Variants in DENND5A observed in about 807,000 individuals in gnomAD.
The protein encoded by DENND5A is DENN domain containing 5A, also known as DENN domain-containing protein 5A.
In DENND5A, 64 loss-of-function variants were observed where a neutral mutation model predicts 140.3. The observed-to-expected ratio is 0.46, with a 90% CI of 0.37 to 0.56. DENND5A has a LOEUF of 0.56. Among genes scored for constraint, DENND5A ranks in the 20% least tolerant of loss-of-function variants. The pLI is 0.00. For missense variants in DENND5A, 1,292 were observed against 1,593.8 expected (o/e 0.81, Z 3.22); for synonymous variants, 605 against 607.7 (o/e 1.00, Z 0.07).
chr11:9,194,162 A>G (rs981065728), intron 4 of DENND5A, among the ~76,000 whole-genome samples: 4 of 152,242 alleles, frequency 2.6e-5, no homozygotes, highest in African/African-American at 9.6e-5. Flanking sequence ...ACAAAGAACC[A>G]CCAAGCATGC....
intron 10 of DENND5A, among the ~76,000 whole-genome samples, chr11:9,167,015 A>T (rs751879907): frequency 2.6e-5 from 4 of 152,142 alleles, no homozygotes; most frequent in Non-Finnish European, 4.4e-5. Flanking sequence ...TTTCTATCAT[A>T]AAGTATAAAA....
At chr11:9,163,436 G>C (rs1260049804) in intron 11 of DENND5A, among the ~76,000 whole-genome samples, 1 of 152,106 alleles carries the variant, frequency 6.6e-6, no homozygotes, top group African/African-American at 2.4e-5. Context: ...AAATTGATAT[G>C]TATTTCACAG....
intron 8 of DENND5A, among the ~76,000 whole-genome samples, chr11:9,176,498 C>CA (rs1478576637): frequency 1.3e-5 from 2 of 152,128 alleles, no homozygotes; most frequent in Non-Finnish European, 2.9e-5. Flanking sequence ...AGGACATGTT[C>CA]AATCATTTGT....
chr11:9,248,764 G>A (rs1230992162), intron 1 of DENND5A, among the ~76,000 whole-genome samples: 1 of 151,778 alleles, frequency 6.6e-6, no homozygotes. Flanking sequence ...TTTTACTTTT[G>A]GTTTACACAT....
rs527841168 is a variant in DENND5A, at chr11:9,251,104, C to A, written c.109+13857G>T. ...GCGCTGAGATCAAGCCACTGCACTC[C>A]AGCCTGGGCAAGAGAGTGACACTCC... is the stretch of plus-strand genomic sequence containing the variant. On this transcript the variant is annotated intron_variant, in intron 1 of 22. Coordinates refer to ENST00000328194, the MANE Select transcript of DENND5A (RefSeq NM_015213.4). Among the ~76,000 whole-genome samples the A allele has an allele frequency of 6.2e-5, 9 of 145,804 alleles. No homozygotes were observed. In the South Asian group the frequency reaches 1.7e-3, roughly 28 times the overall value.
intron 5 of DENND5A, among the ~76,000 whole-genome samples, chr11:9,188,041 C>T (rs1372431433): frequency 1.3e-5 from 2 of 152,092 alleles, no homozygotes; most frequent in Non-Finnish European, 2.9e-5. Flanking sequence ...CCCAGCCCTG[C>T]CGGATATGGT....
chr11:9,171,861 A>AAAAC (rs986213350), intron 8 of DENND5A: 1 of 152,212 alleles, frequency 6.6e-6, no homozygotes, highest in Admixed American at 6.6e-5. Context: ...GAACCTCTTA[A>AAAAC]AAACAAACAA....
intron 1 of DENND5A, among the ~76,000 whole-genome samples, chr11:9,244,587 T>C (rs991636326): frequency 1.3e-5 from 2 of 152,220 alleles, no homozygotes; most frequent in African/African-American, 4.8e-5. Flanking sequence ...CAGGCTGGTC[T>C]TGAACTCCTG....
At chr11:9,199,553 A>AG (rs1177219187) in intron 4 of DENND5A, among the ~76,000 whole-genome samples, 1 of 152,246 alleles carries the variant, frequency 6.6e-6, no homozygotes, top group Non-Finnish European at 1.5e-5. Context: ...TATTAAAAAA[A>AG]CACTAATTCT....
intron 12 of DENND5A, among the ~76,000 whole-genome samples, chr11:9,157,712 T>A (rs929085531): frequency 6.6e-6 from 1 of 152,238 alleles, no homozygotes; most frequent in African/African-American, 2.4e-5. Context: ...ATGTATCACC[T>A]TTTCTTTATC....
At chr11:9,198,576 A>G (rs558489197) in intron 4 of DENND5A, among the ~76,000 whole-genome samples, 1 of 151,720 alleles carries the variant, frequency 6.6e-6, no homozygotes, top group East Asian at 1.9e-4. Flanking sequence ...GCGCCACTGC[A>G]CTCCAGCCTG....
chr11:9,214,057 G>A (rs1334048363), intron 1 of DENND5A, among the ~76,000 whole-genome samples: 1 of 152,068 alleles, frequency 6.6e-6, no homozygotes, highest in African/African-American at 2.4e-5. Flanking sequence ...GATACTACTG[G>A]TGACCAACCA....
intron 1 of DENND5A, among the ~76,000 whole-genome samples, chr11:9,238,159 A>G (rs1851081088): frequency 6.6e-6 from 1 of 152,116 alleles, no homozygotes; most frequent in Non-Finnish European, 1.5e-5. Context: ...TTAACTCTTA[A>G]CTAAGATCGA....
chr11:9,247,115 A>T (rs1488781390), intron 1 of DENND5A, among the ~76,000 whole-genome samples: 1 of 152,014 alleles, frequency 6.6e-6, no homozygotes, highest in Admixed American at 6.6e-5. Context: ...CTGTAGTCCC[A>T]GCTACTTGGG....
intron 11 of DENND5A, among the ~76,000 whole-genome samples, chr11:9,163,984 C>T (rs1436327047): frequency 1.3e-5 from 2 of 149,790 alleles, no homozygotes; most frequent in African/African-American, 4.9e-5. Flanking sequence ...CACACACACA[C>T]ACTGGCCACA....
intron 5 of DENND5A, among the ~76,000 whole-genome samples, chr11:9,185,250 T>C (rs191701094): frequency 6.6e-6 from 1 of 152,330 alleles, no homozygotes; most frequent in Admixed American, 6.5e-5. Flanking sequence ...GTGCTTTTTA[T>C]AACTTGTTTA....
chr11:9,170,595 G>T (rs755278226), intron 9 of DENND5A, 32 bp downstream of exon 9: 3 of 1,612,934 alleles, frequency 1.9e-6, no homozygotes, highest in Non-Finnish European at 2.5e-6. Context: ...CAGCTAGGGA[G>T]TTGGATTAGT....
intron 1 of DENND5A, among the ~76,000 whole-genome samples, chr11:9,238,232 G>A (rs1000747111): frequency 2.0e-5 from 3 of 151,886 alleles, no homozygotes; most frequent in Admixed American, 6.6e-5. Flanking sequence ...AACATCAAGT[G>A]AAAAAAGTCA....
chr11:9,258,427 T>C (rs1014038499), intron 1 of DENND5A, among the ~76,000 whole-genome samples: 1 of 152,206 alleles, frequency 6.6e-6, no homozygotes, highest in Non-Finnish European at 1.5e-5. Context: ...GTTTCCAGCT[T>C]CATCCATGTC....
Sources: allele counts gnomAD v4.1 joint callset (sites outside exome capture counted in the v4.1 genomes callset), GRCh38; gene constraint gnomAD v4.1.1; transcripts MANE v1.5; gene names NCBI Gene and HGNC (gene_info 2026-07-23, HGNC 2026-07-21).